The following PSMC1 variants were observed in gnomAD, a reference collection of about 807,000 sequenced individuals.
PSMC1 encodes the protein 26S proteasome regulatory subunit 4.
Under a neutral mutation model 49.8 loss-of-function variants are expected in PSMC1, and 5 were observed. That is an observed-to-expected ratio of 0.10 (90% CI 0.05 to 0.21). The LOEUF (loss-of-function observed/expected upper bound fraction) is 0.21. PSMC1 is among the 10% of genes least tolerant of loss of function. The pLI, the probability that PSMC1 is intolerant of heterozygous loss-of-function variation, is 1.00. For missense variants in PSMC1, 181 were observed against 535.7 expected, an observed-to-expected ratio of 0.34 and a Z score of 6.54; for synonymous variants, 155 against 192.1, an observed-to-expected ratio of 0.81 and a Z score of 1.60.
chr14:90,270,035 A>G (rs1306436657), intron 9 of PSMC1, 163 bp from the exon 10 acceptor site: 4 of 696,924 alleles, frequency 5.7e-6, no homozygotes, highest in Admixed American at 6.4e-5. Context: ...AGAAATCTAC[A>G]AACTACAAAA....
In PSMC1 at chr14:90,262,160, G is replaced by GC. The variant is rs1315852748; in HGVS notation, c.155-1158_155-1157insC. On this transcript the variant is annotated intron_variant, in intron 3 of 10. Transcript: ENST00000261303. ...ACTGGGGCCTGTCGTGGGGTGGGGG[G>GC]AGGGGGAGGGATAGCATTAGGAGAT... Among the ~76,000 whole-genome samples, 253 of 53,786 alleles carry GC rather than the reference G, an allele frequency of 4.7e-3. 4 individuals are homozygous for GC. The highest frequency in any genetic ancestry group is 0.014 in the African/African-American group (240 of 17,434). The allele number at this position is 53,786 out of a possible 152,430, so 35.3% of individuals were successfully genotyped here. A position where few individuals can be genotyped will look rare whatever the true frequency, so the allele number is the denominator to read the frequency against.
At chr14:90,262,565 AC>A (rs1180075355) in intron 3 of PSMC1, among the ~76,000 whole-genome samples, 1 of 152,114 alleles carries the variant, frequency 6.6e-6, no homozygotes, top group Non-Finnish European at 1.5e-5. Flanking sequence ...CAGGTGGATC[AC>A]GAGGTCAGGA....
chr14:90,257,457 C>G (rs901347147), intron 1 of PSMC1, among the ~76,000 whole-genome samples: 1 of 151,868 alleles, frequency 6.6e-6, no homozygotes, highest in Non-Finnish European at 1.5e-5. Context: ...TTGAGCGGAC[C>G]GAAATTGAGG....
At chr14:90,262,500 T>C (rs367969654) in intron 3 of PSMC1, among the ~76,000 whole-genome samples, 1 of 152,030 alleles carries the variant, frequency 6.6e-6, no homozygotes, top group Non-Finnish European at 1.5e-5. Context: ...AGAGAAAAGG[T>C]TGACATATTT....
intron 10 of PSMC1, 82 bp downstream of exon 10, chr14:90,270,434 G>A: frequency 6.8e-7 from 1 of 1,467,442 alleles, no homozygotes; most frequent in East Asian, 2.4e-5. Context: ...TTGGGATGGT[G>A]GTTGGCCTGG....
At chr14:90,268,434 T>C (rs1319605025) in intron 8 of PSMC1, 21 bp downstream of exon 8, 1 of 1,612,650 alleles carries the variant, frequency 6.2e-7, no homozygotes, top group South Asian at 1.1e-5. Flanking sequence ...TCATACTTAT[T>C]TTGCCTTGTT....
intron 6 of PSMC1, among the ~76,000 whole-genome samples, chr14:90,264,841 A>G (rs367595158): frequency 1.3e-5 from 2 of 152,178 alleles, no homozygotes; most frequent in African/African-American, 2.4e-5. Flanking sequence ...AGAAAGTAAA[A>G]GGGGAATTGG....
In PSMC1 at chr14:90,269,377, C is replaced by CT. The variant is rs773534272; in HGVS notation, c.882-20_882-19insT. On this transcript the variant is annotated intron_variant, in intron 8 of 10. Transcript: ENST00000261303. ...GCGATCAGTTGAGTCTTCATTCCTTCCCTTTTTTTTTTTCCAAAGATATGA... is the reference window on the plus strand; with the variant it reads ...GCGATCAGTTGAGTCTTCATTCCTTCTCCTTTTTTTTTTTCCAAAGATATGA... 17 of 1,552,568 alleles carry CT rather than the reference C, an allele frequency of 1.1e-5. No individual in the cohort carries two copies. The highest frequency in any genetic ancestry group is 1.3e-5 in the Non-Finnish European group (15 of 1,152,606).
Position 90,275,240 on chromosome 14 carries a change from C to G in PSMC1, c.*2833C>G, listed in dbSNP as rs1052704341. ...CCTGCTCCTGAACTGGATCCTTTTC[C>G]TAGAGGACATGACTGGGCCTGAGGA... On this transcript the variant is annotated 3_prime_UTR_variant, in exon 11 of 11. Coordinates refer to ENST00000261303, the MANE Select transcript of PSMC1 (RefSeq NM_002802.3). 1 of 152,116 alleles carries G rather than the reference C, an allele frequency of 6.6e-6. No homozygotes were observed. The highest frequency in any genetic ancestry group is 1.5e-5 in the Non-Finnish European group (1 of 68,032). 9.4% of individuals were successfully genotyped at this position (152,116 alleles called of 1,614,324 possible).
intron 10 of PSMC1, chr14:90,270,994 G>C (rs1360653935): frequency 6.6e-6 from 1 of 152,212 alleles, no homozygotes; most frequent in East Asian, 1.9e-4. Context: ...GTTAGTCCTA[G>C]AGAACTAGAT....
Position 90,270,282 on chromosome 14 carries a change from C to T in PSMC1, c.1118C>T (p.Thr373Met), listed in dbSNP as rs772023510. Residue 373 changes from threonine to methionine, a missense_variant, in exon 10 of 11, where the codon ACG (threonine) becomes ATG (methionine). Thr to Met is a moderately conservative substitution (Grantham distance 81). This residue lies in a region of PSMC1 where 60 missense variants were observed against 155.5 expected (regional missense o/e 0.39). Coordinates refer to ENST00000261303, the MANE Select transcript of PSMC1 (RefSeq NM_002802.3). ...TTTCAGATTCACACAAGCAGGATGACGCTGGCTGATGATGTAACCCTGGAC... is the reference window on the plus strand; with the variant it reads ...TTTCAGATTCACACAAGCAGGATGATGCTGGCTGATGATGTAACCCTGGAC... ...RIFQIHTSRM[T>M]LADDVTLDDL... is the part of the protein sequence containing the mutation. The T allele has an allele frequency of 3.1e-6, 5 of 1,613,484 alleles. No individual in the cohort carries two copies. The highest frequency in any genetic ancestry group is 1.3e-5 in the African/African-American group (1 of 74,778).
chr14:90,262,135 A>C (rs1891410585), intron 3 of PSMC1, among the ~76,000 whole-genome samples: 1 of 87,798 alleles, frequency 1.1e-5, no homozygotes, highest in East Asian at 3.6e-4. Context: ...AACATCACAC[A>C]CTGGGGCCTG....
intron 9 of PSMC1, 193 bp downstream of exon 9, chr14:90,269,741 C>A: frequency 2.0e-6 from 1 of 498,448 alleles, no homozygotes; most frequent in Non-Finnish European, 3.4e-6. Flanking sequence ...GCACCTTGGC[C>A]CTTTGAATTC....
intron 6 of PSMC1, among the ~76,000 whole-genome samples, chr14:90,264,661 G>C (rs1027111671): frequency 1.3e-5 from 2 of 152,200 alleles, no homozygotes; most frequent in African/African-American, 4.8e-5. Flanking sequence ...AGCCATCACA[G>C]ATCTCTGCTA....
Position 90,270,393 on chromosome 14 carries a change from C to T in PSMC1, c.1188+41C>T. The stretch of plus-strand genomic sequence containing the variant: ...TGTCAGCTTATTTCTGGGAATGTGG[C>T]CGTCAATCAGGAAAGAGTCTATATG... On this transcript the variant is annotated intron_variant, in intron 10 of 10. Coordinates refer to ENST00000261303, the MANE Select transcript of PSMC1 (RefSeq NM_002802.3). 5 of 1,588,804 alleles carry T rather than the reference C, an allele frequency of 3.1e-6. No individual in the cohort carries two copies. In the South Asian group the frequency reaches 3.4e-5, roughly 11 times the overall value.
chr14:90,265,216 A>G (rs987958285), intron 7 of PSMC1, 50 bp downstream of exon 7: 4 of 1,285,546 alleles, frequency 3.1e-6, no homozygotes, highest in Non-Finnish European at 4.5e-6. Flanking sequence ...TCTCTTGAGC[A>G]GCAGCATTGG....
rs1039629602 is a variant in PSMC1 at position 90,259,420 on chromosome 14, GTTAT to G, written c.57+214_57+217del. Among the ~76,000 whole-genome samples the G allele has an allele frequency of 3.5e-4, 54 of 152,130 alleles. 1 individual carries two copies. The highest frequency in any genetic ancestry group is 1.9e-4 in the African/African-American group (8 of 41,420). ...CTAACCATCAGATAGGTATTTATGA[GTTAT>G]TTATTTGTGTAAAAGCAATGACATT... On this transcript the variant is annotated intron_variant, in intron 2 of 10. Coordinates refer to ENST00000261303, the MANE Select transcript of PSMC1 (RefSeq NM_002802.3).
At chr14:90,258,613 A>G (rs893634992) in intron 1 of PSMC1, among the ~76,000 whole-genome samples, 5 of 152,270 alleles carry the variant, frequency 3.3e-5, no homozygotes, top group African/African-American at 1.2e-4. Flanking sequence ...TTGAGAAGAA[A>G]GACCTGCCCC....
At chr14:90,265,681 T>C (rs1200669031) in intron 7 of PSMC1, among the ~76,000 whole-genome samples, 3 of 99,806 alleles carry the variant, frequency 3.0e-5, no homozygotes, top group Non-Finnish European at 5.7e-5. Context: ...AGAGCGAGAC[T>C]ACATCTCAAA....
Sources: allele counts gnomAD v4.1 joint callset (sites outside exome capture counted in the v4.1 genomes callset), GRCh38; gene constraint gnomAD v4.1.1; regional missense constraint gnomAD v4.1.1; transcripts MANE v1.5; gene names NCBI Gene and HGNC (gene_info 2026-07-23, HGNC 2026-07-21).